The following CDYL variants were observed in gnomAD, a reference collection of about 807,000 sequenced individuals.
CDYL encodes the protein chromodomain Y-like protein.
A neutral mutation model predicts 47.3 loss-of-function variants in CDYL; 8 were observed. The observed-to-expected ratio is 0.17, with a 90% confidence interval of 0.10 to 0.31. The LOEUF is 0.31. CDYL is among the 10% of genes least tolerant of loss of function. CDYL has a pLI of 1.00. For synonymous variants in CDYL, 266 were observed against 265.0 expected (o/e 1.00, Z -0.04); for missense variants, 471 against 701.4 (o/e 0.67, Z 3.71).
intron 2 of CDYL, among the ~76,000 whole-genome samples, chr6:4,915,896 C>G (rs1581261500): frequency 6.6e-6 from 1 of 152,190 alleles, no homozygotes; most frequent in Non-Finnish European, 1.5e-5. Context: ...GCTTCCACAC[C>G]TCCATATCTA....
At chr6:4,819,684 T>A (rs1759779332) in intron 1 of CDYL, among the ~76,000 whole-genome samples, 1 of 152,138 alleles carries the variant, frequency 6.6e-6, no homozygotes, top group African/African-American at 2.4e-5. Flanking sequence ...ATCAGGTGTT[T>A]ATGACAGTGG....
chr6:4,913,499 G>C (rs1234690742), intron 2 of CDYL, among the ~76,000 whole-genome samples: 1 of 152,284 alleles, frequency 6.6e-6, no homozygotes, highest in East Asian at 1.9e-4. Context: ...TATAGGATTG[G>C]GGAAAAGTTG....
rs542366279 is a variant in CDYL at position 4,953,925 on chromosome 6, C to A, written c.1504C>A (p.Arg502Ser). Residue 502 changes from arginine (R) to serine (S), a missense_variant, in exon 7 of 7, where the codon CGC (arginine) becomes AGC (serine). Coordinates refer to ENST00000397588, the MANE Select transcript of CDYL (RefSeq NM_004824.4). ...VVLEESKALV[R>S]CNMKMELEQA... Reference sequence around the variant, plus strand: ...GCTTGAGGAATCCAAAGCCCTCGTGCGCTGCAACATGAAGATGGAGCTGGA... The same window carrying A: ...GCTTGAGGAATCCAAAGCCCTCGTGAGCTGCAACATGAAGATGGAGCTGGA... The A allele has an allele frequency of 6.2e-7, 1 of 1,613,612 alleles. No individual in the cohort carries two copies. The highest frequency in any genetic ancestry group is 1.1e-5 in the South Asian group (1 of 90,990).
At chr6:4,792,713 G>A (rs1311221512) in intron 1 of CDYL, among the ~76,000 whole-genome samples, 1 of 152,142 alleles carries the variant, frequency 6.6e-6, no homozygotes, top group Non-Finnish European at 1.5e-5. Flanking sequence ...TGGGATTACA[G>A]GCATGAGCCA....
intron 5 of CDYL, among the ~76,000 whole-genome samples, chr6:4,949,764 G>A (rs560701293): frequency 1.3e-4 from 20 of 152,360 alleles, no homozygotes; most frequent in Non-Finnish European, 2.4e-4. Flanking sequence ...CGCAAATTGC[G>A]TGTATTTAAT....
At chr6:4,801,043 T>C (rs1414578416) in intron 1 of CDYL, among the ~76,000 whole-genome samples, 1 of 152,230 alleles carries the variant, frequency 6.6e-6, no homozygotes, top group Non-Finnish European at 1.5e-5. Context: ...TGTTGTCACA[T>C]TTTTGGGAAT....
At chr6:4,750,705 G>A (rs1260623084) in intron 3 of CDYL, among the ~76,000 whole-genome samples, 1 of 151,746 alleles carries the variant, frequency 6.6e-6, no homozygotes, top group Non-Finnish European at 1.5e-5. Context: ...AATGACAAAA[G>A]CTAGAAAAAA....
intron 3 of CDYL, among the ~76,000 whole-genome samples, chr6:4,761,634 G>A (rs1426589977): frequency 2.0e-5 from 3 of 152,264 alleles, no homozygotes; most frequent in East Asian, 1.9e-4. Context: ...GAGCCACCAC[G>A]CCCGGCCCAC....
At chr6:4,709,216 G>C (rs145485826) in intron 1 of CDYL, among the ~76,000 whole-genome samples, 1,909 of 151,848 alleles carry the variant, frequency 0.013, 13 homozygotes, top group Non-Finnish European at 0.02. Flanking sequence ...GCTTGTTTGA[G>C]ACAGGGTCTC....
At chr6:4,730,435 G>C (rs1757582949) in intron 2 of CDYL, among the ~76,000 whole-genome samples, 1 of 152,086 alleles carries the variant, frequency 6.6e-6, no homozygotes, top group East Asian at 1.9e-4. Context: ...CCAGCACTTT[G>C]GGAGGCTGAG....
chr6:4,826,430 G>T (rs4394277), intron 1 of CDYL, among the ~76,000 whole-genome samples: 1 of 151,858 alleles, frequency 6.6e-6, no homozygotes, highest in Non-Finnish European at 1.5e-5. Context: ...AGCTCCTTAA[G>T]GTGTAAAGTT....
chr6:4,754,811 T>C (rs543707580), intron 3 of CDYL, among the ~76,000 whole-genome samples: 4 of 152,240 alleles, frequency 2.6e-5, no homozygotes, highest in Non-Finnish European at 5.9e-5. Context: ...AATCATATCC[T>C]ATAAATTAAA....
At chr6:4,950,628 ACTT>A (rs1197384688) in intron 5 of CDYL, among the ~76,000 whole-genome samples, 1 of 152,046 alleles carries the variant, frequency 6.6e-6, no homozygotes, top group African/African-American at 2.4e-5. Context: ...GGTTTCTAGA[ACTT>A]CTCCAGACTC....
intron 1 of CDYL, among the ~76,000 whole-genome samples, chr6:4,828,375 A>G (rs1760040051): frequency 6.6e-6 from 1 of 150,666 alleles, no homozygotes; most frequent in African/African-American, 2.4e-5. Flanking sequence ...CTCCTGCCTC[A>G]GCCTCCCAAG....
At chr6:4,938,883 C>G (rs139687828) in intron 4 of CDYL, among the ~76,000 whole-genome samples, 5 of 152,114 alleles carry the variant, frequency 3.3e-5, no homozygotes, top group African/African-American at 1.2e-4. Context: ...AAAATCATAT[C>G]CCCTCATTTA....
chr6:4,878,694 T>C (rs1761683315), intron 1 of CDYL, among the ~76,000 whole-genome samples: 1 of 152,152 alleles, frequency 6.6e-6, no homozygotes, highest in South Asian at 2.1e-4. Context: ...CTTAGGGCTA[T>C]ATCAATTTAA....
chr6:4,900,779 G>GTGTGTGTGTGTGTGTGTATATATATATA, intron 2 of CDYL, among the ~76,000 whole-genome samples: 1 of 51,706 alleles, frequency 1.9e-5, no homozygotes, highest in African/African-American at 6.3e-5. Flanking sequence ...GTATACGTGT[G>GTGTGTGTGTGTGTGTGTATATATATATA]TATATATATA....
At chr6:4,781,595 C>T (rs1758620379) in intron 1 of CDYL, among the ~76,000 whole-genome samples, 1 of 152,076 alleles carries the variant, frequency 6.6e-6, no homozygotes, top group Non-Finnish European at 1.5e-5. Context: ...AGTGTGGAGA[C>T]CTCTCATGTG....
At chr6:4,808,997 A>G (rs1318855079) in intron 1 of CDYL, among the ~76,000 whole-genome samples, 1 of 152,160 alleles carries the variant, frequency 6.6e-6, no homozygotes, top group Non-Finnish European at 1.5e-5. Context: ...ACCAGGGTAT[A>G]CACTCAGAAA....
Sources: allele counts gnomAD v4.1 joint callset (sites outside exome capture counted in the v4.1 genomes callset), GRCh38; gene constraint gnomAD v4.1.1; transcripts MANE v1.5; gene names NCBI Gene and HGNC (gene_info 2026-07-23, HGNC 2026-07-21).